The following SEC31A variants were observed in gnomAD, a reference collection of about 807,000 sequenced individuals.
SEC31A encodes the protein protein transport protein Sec31A.
A neutral mutation model predicts 151.0 loss-of-function variants in SEC31A; 70 were observed. The observed-to-expected ratio is 0.46, with a 90% CI of 0.38 to 0.57. The LOEUF (loss-of-function observed/expected upper bound fraction) is 0.57, where lower values mean the gene tolerates loss of function less well. Among genes scored for constraint, SEC31A ranks in the 20% least tolerant of loss-of-function variants. The probability of loss-of-function intolerance (pLI) is 0.00; values close to 1 mark genes in which losing one functional copy is unlikely to be tolerated. For synonymous variants in SEC31A, 475 were observed against 505.9 expected, an observed-to-expected ratio of 0.94 and a Z score of 0.82; for missense variants, 1,330 against 1,471.2, an observed-to-expected ratio of 0.90 and a Z score of 1.57.
chr4:82,822,832 G>A (rs529746936), intron 25 of SEC31A, among the ~76,000 whole-genome samples: 7 of 152,232 alleles, frequency 4.6e-5, no homozygotes, highest in African/African-American at 1.7e-4. Context: ...AATTAGCCGG[G>A]CGTGGTGGCA....
chr4:82,855,897 C>T (rs1732522009), intron 16 of SEC31A, among the ~76,000 whole-genome samples: 1 of 152,212 alleles, frequency 6.6e-6, no homozygotes, highest in Middle Eastern at 3.4e-3. Context: ...CGAGTTTACT[C>T]TTAAGTTTGT....
At chr4:82,895,838 TTTTC>T (rs1275701287), upstream of SEC31A, 1 of 152,240 alleles carries the variant, frequency 6.6e-6, no homozygotes, top group Non-Finnish European at 1.5e-5. Flanking sequence ...AGTCTCATCA[TTTTC>T]TTTTTCTATT....
chr4:82,860,646 A>T (rs569443279), intron 14 of SEC31A, among the ~76,000 whole-genome samples: 54 of 148,514 alleles, frequency 3.6e-4, no homozygotes, highest in Non-Finnish European at 5.7e-4. Flanking sequence ...CTAATTTTTT[A>T]TTTTTTTTTT....
intron 25 of SEC31A, among the ~76,000 whole-genome samples, chr4:82,824,021 A>G (rs927832087): frequency 6.6e-6 from 1 of 152,202 alleles, no homozygotes; most frequent in Admixed American, 6.5e-5. Flanking sequence ...TGACAAATCT[A>G]TCTGCCATAG....
intron 19 of SEC31A, 64 bp downstream of exon 19, chr4:82,851,367 T>C (rs553618454): frequency 1.5e-6 from 2 of 1,300,378 alleles, no homozygotes; most frequent in East Asian, 2.3e-5. Context: ...TTACATCTAA[T>C]GCTAAGTGTT....
chr4:82,878,782 T>C lies in SEC31A; in HGVS notation c.350A>G (p.Gln117Arg). 1.2e-6 allele frequency: 2 copies of C among 1,614,160 alleles called. No homozygotes were observed. The highest frequency in any genetic ancestry group is 1.7e-6 in the Non-Finnish European group (2 of 1,180,002). Reference sequence around the variant, plus strand: ...CACTGGGCCAGTATGCTTGTCATTCTGGGCAATCACAACTTCCTTGTCTCC... The same window carrying C: ...CACTGGGCCAGTATGCTTGTCATTCCGGGCAATCACAACTTCCTTGTCTCC... ...IAGDKEVVIA[Q>R]NDKHTGPVRA... Residue 117 changes from glutamine to arginine, a missense_variant, in exon 4 of 27, where the codon CAG (glutamine) becomes CGG (arginine). Transcript: ENST00000395310.
At chr4:82,830,742 G>T (rs997078059) in intron 22 of SEC31A, among the ~76,000 whole-genome samples, 3 of 152,128 alleles carry the variant, frequency 2.0e-5, no homozygotes, top group Non-Finnish European at 4.4e-5. Context: ...TTATAACCAA[G>T]CTACTTGTGT....
At chr4:82,858,010 G>T (rs1733073339) in intron 14 of SEC31A, 1 of 314,466 alleles carries the variant, frequency 3.2e-6, no homozygotes, top group Non-Finnish European at 6.0e-6. Context: ...GGGCACAGTG[G>T]CTCACGTCTG....
intron 8 of SEC31A, 123 bp from the exon 9 acceptor site, chr4:82,867,439 CT>C: frequency 1.3e-6 from 1 of 786,946 alleles, no homozygotes. Context: ...TAGAAAGTAT[CT>C]TTAGCCAGGA....
At chr4:82,887,020 T>C (rs890262582) in intron 1 of SEC31A, among the ~76,000 whole-genome samples, 1 of 152,222 alleles carries the variant, frequency 6.6e-6, no homozygotes, top group Non-Finnish European at 1.5e-5. Flanking sequence ...ACAAGTAGAC[T>C]AATGAGCTAG....
intron 8 of SEC31A, among the ~76,000 whole-genome samples, chr4:82,869,258 T>A (rs2149582448): frequency 6.6e-6 from 1 of 151,430 alleles, no homozygotes; most frequent in Admixed American, 6.6e-5. Context: ...TAGCTGGGAC[T>A]ACAGGCGCCC....
At chr4:82,819,944 T>A (rs1247130569) in intron 26 of SEC31A, among the ~76,000 whole-genome samples, 1 of 152,078 alleles carries the variant, frequency 6.6e-6, no homozygotes, top group Non-Finnish European at 1.5e-5. Flanking sequence ...GTATTTTTAG[T>A]AGAGACGGGG....
chr4:82,826,795 T>A (rs188896147), intron 24 of SEC31A, among the ~76,000 whole-genome samples: 1 of 152,370 alleles, frequency 6.6e-6, no homozygotes, highest in East Asian at 1.9e-4. Flanking sequence ...TTCATCTTCT[T>A]ATATTGAACT....
At chr4:82,878,313 G>A (rs1458517071) in intron 4 of SEC31A, among the ~76,000 whole-genome samples, 1 of 151,964 alleles carries the variant, frequency 6.6e-6, no homozygotes, top group Non-Finnish European at 1.5e-5. Flanking sequence ...GGCCAACATG[G>A]TGAAACCCCA....
chr4:82,823,716 G>A (rs576369365), intron 25 of SEC31A, among the ~76,000 whole-genome samples: 133 of 152,200 alleles, frequency 8.7e-4, no homozygotes, highest in Non-Finnish European at 1.6e-3. Flanking sequence ...ATATGCCTCC[G>A]ATATCTAAAA....
At chr4:82,853,146 C>A (rs1191739317) in intron 18 of SEC31A, among the ~76,000 whole-genome samples, 3 of 152,190 alleles carry the variant, frequency 2.0e-5, no homozygotes, top group Non-Finnish European at 4.4e-5. Flanking sequence ...CATGGGATTC[C>A]ATTTACCTCT....
chr4:82,866,379 G>A (rs796834690), intron 10 of SEC31A, among the ~76,000 whole-genome samples: 2 of 152,250 alleles, frequency 1.3e-5, no homozygotes, highest in African/African-American at 2.4e-5. Flanking sequence ...GCTGAGGCAG[G>A]AGAATCGCTT....
intron 1 of SEC31A, among the ~76,000 whole-genome samples, chr4:82,886,857 A>C (rs1342899000): frequency 6.6e-6 from 1 of 152,160 alleles, no homozygotes; most frequent in Non-Finnish European, 1.5e-5. Flanking sequence ...CCTTTTTTTA[A>C]CCAGTTGCCT....
At chr4:82,883,354 T>C (rs1204998406) in intron 1 of SEC31A, among the ~76,000 whole-genome samples, 3 of 152,198 alleles carry the variant, frequency 2.0e-5, no homozygotes, top group Non-Finnish European at 4.4e-5. Flanking sequence ...GGGACAGCTA[T>C]AAATTTCCAG....
Sources: gnomAD v4.1 joint callset for allele counts (sites outside exome capture counted in the v4.1 genomes callset) on GRCh38, gnomAD v4.1.1 for gene constraint, MANE v1.5 for transcripts, NCBI Gene and HGNC (gene_info 2026-07-23, HGNC 2026-07-21) for gene names.